DNPEP: variants seen among roughly 807,000 people sequenced by gnomAD.
DNPEP encodes the protein aspartyl aminopeptidase.
Under a neutral mutation model 59.1 loss-of-function variants are expected in DNPEP, and 46 were observed. The observed-to-expected ratio is 0.78, with a 90% CI of 0.61 to 0.99. The LOEUF is 0.99. Among genes scored for constraint, DNPEP ranks in the 50% least tolerant of loss-of-function variants. The pLI is 0.00. For synonymous variants in DNPEP, 229 were observed against 242.2 expected, an observed-to-expected ratio of 0.95 and a Z score of 0.50; for missense variants, 617 against 649.9, an observed-to-expected ratio of 0.95 and a Z score of 0.55.
At chr2:219,394,219 T>G (rs917014923) in intron 1 of DNPEP, among the ~76,000 whole-genome samples, 5 of 152,160 alleles carry the variant, frequency 3.3e-5, no homozygotes, top group Non-Finnish European at 5.9e-5. Flanking sequence ...CCGCAACTTT[T>G]CTTGTCAAGG....
intron 9 of DNPEP, 81 bp from the exon 10 acceptor site, chr2:219,383,295 C>A (rs561406506): frequency 1.7e-6 from 2 of 1,203,044 alleles, no homozygotes; most frequent in Admixed American, 1.8e-5. Flanking sequence ...TGGGTGTGCA[C>A]GCTCCCCCAT....
chr2:219,396,732 A>C (rs1259272361), intron 1 of DNPEP, among the ~76,000 whole-genome samples: 4 of 152,324 alleles, frequency 2.6e-5, no homozygotes, highest in Middle Eastern at 3.4e-3. Context: ...CCTAGAAAAA[A>C]ATAGCATCAA....
chr2:219,387,992 G>A, upstream of DNPEP: 1 of 1,127,012 alleles, frequency 8.9e-7, no homozygotes, highest in Non-Finnish European at 1.1e-6. Flanking sequence ...CGCCCACCTC[G>A]GTCAGCCCCG....
chr2:219,399,463 T>C (rs1052321063), intron 1 of DNPEP: 4 of 461,864 alleles, frequency 8.7e-6, no homozygotes, highest in Middle Eastern at 3.2e-4. Context: ...TTTGGAAGAT[T>C]TGGGCTGAGG....
Position 219,386,922 on chromosome 2 carries a change from A to C in DNPEP, c.189T>G (p.Thr63=). Residue 63 remains threonine, a synonymous_variant, in exon 3 of 15, where the codon ACT becomes ACG. Transcript: ENST00000273075. ...TCTCGGGCTTAATATTCCATTTCTCAGTCTCCTTGAGTTCACTGAAGCCAG... is the reference window on the plus strand; with the variant it reads ...TCTCGGGCTTAATATTCCATTTCTCCGTCTCCTTGAGTTCACTGAAGCCAG... ...LQAGFSELKE[T]EKWNIKPESK... 1.2e-6 allele frequency: 2 copies of C among 1,610,764 alleles called. No homozygotes were observed. Among genetic ancestry groups the C allele is most frequent in the Non-Finnish European group, 1.7e-6 (2 of 1,179,210 alleles).
chr2:219,391,048 C>T (rs531759635), upstream of DNPEP, among the ~76,000 whole-genome samples: 1 of 152,242 alleles, frequency 6.6e-6, no homozygotes, highest in South Asian at 2.1e-4. Flanking sequence ...TCTACTTTAC[C>T]TACTATTACC....
At chr2:219,377,629 T>C (rs1339991289) in intron 13 of DNPEP, among the ~76,000 whole-genome samples, 2 of 152,044 alleles carry the variant, frequency 1.3e-5, no homozygotes, top group African/African-American at 4.8e-5. Flanking sequence ...GAAACAACAA[T>C]TTCCTGAAAT....
Position 219,374,924 on chromosome 2 carries a change from T to C in DNPEP, c.1338A>G (p.Gln446=), listed in dbSNP as rs201087297. The C allele has an allele frequency of 4.9e-5, 79 of 1,614,066 alleles. No homozygotes were observed. Among genetic ancestry groups the C allele is most frequent in the African/African-American group, 2.9e-4 (22 of 74,930 alleles). Residue 446 remains glutamine, a synonymous_variant, in exon 14 of 15, where the codon CAA becomes CAG. Transcript: ENST00000273075. The part of the protein sequence containing the change: ...GLRVLDLGSP[Q]LAMHSIREMA... ...TCTCCCGGATAGAGTGCATGGCCAGTTGGGGGCTGCCTAAATCCAGCACCC... is the reference window on the plus strand; with the variant it reads ...TCTCCCGGATAGAGTGCATGGCCAGCTGGGGGCTGCCTAAATCCAGCACCC...
In DNPEP at chr2:219,387,006, C is replaced by T. The variant is rs756168937; in HGVS notation, c.131-26G>A. The T allele has an allele frequency of 4.3e-6, 7 of 1,613,768 alleles. No homozygotes were observed. In the South Asian group the frequency reaches 6.6e-5, roughly 15 times the overall value. On this transcript the variant is annotated intron_variant, in intron 2 of 14. Coordinates refer to ENST00000273075, the MANE Select transcript of DNPEP (RefSeq NM_012100.4). ...CTGTGGGAAAAGCACCCTCTCACAG[C>T]GATGGAAGCTGGTGAAGGGCGCATC... is the stretch of plus-strand genomic sequence containing the variant.
At chr2:219,399,401 C>T (rs888433982) in intron 1 of DNPEP, 13 of 456,774 alleles carry the variant, frequency 2.8e-5, no homozygotes, top group East Asian at 6.9e-5. Context: ...GCGAATCCCC[C>T]GGAGTGCTAT....
chr2:219,381,268 G>T, intron 13 of DNPEP, 67 bp downstream of exon 13: 1 of 1,392,610 alleles, frequency 7.2e-7, no homozygotes. Flanking sequence ...GTTCATGGGG[G>T]GCCCATCTGT....
chr2:219,374,178 A>C lies in DNPEP; in HGVS notation c.*114T>G. ...CTCCCACTCCTCTAGTCTCCAAATAAGCGTAGCACGGAGAGTCTGAGTGAC... is the reference window on the plus strand; with the variant it reads ...CTCCCACTCCTCTAGTCTCCAAATACGCGTAGCACGGAGAGTCTGAGTGAC... On this transcript the variant is annotated 3_prime_UTR_variant, in exon 15 of 15. Coordinates refer to ENST00000273075, the MANE Select transcript of DNPEP (RefSeq NM_012100.4). The C allele has an allele frequency of 9.4e-7, 1 of 1,060,402 alleles. No homozygotes were observed. The highest frequency in any genetic ancestry group is 1.4e-6 in the Non-Finnish European group (1 of 700,908). The allele number at this position is 1,060,402 out of a possible 1,614,324, so 65.7% of individuals were successfully genotyped here. A position where few individuals can be genotyped will look rare whatever the true frequency, so the allele number is the denominator to read the frequency against.
chr2:219,387,788 C>T lies in DNPEP; in HGVS notation c.7G>A (p.Gly3Arg), dbSNP rs761801136. The change falls in exon 1 of 15, where the codon GGA becomes AGA. Residue 3 changes from glycine (G) to arginine (R), a missense_variant. Transcript: ENST00000273075. Reference protein sequence around the residue: MSGHSPTRGAMQV... With the variant: MSRHSPTRGAMQV... ...ATGGCCCCGCGCGTGGGGCTGTGTC[C>T]GCTCATCTGGCCTCCGGGCTCGGCC... 1.3e-6 allele frequency: 2 copies of T among 1,598,754 alleles called. No homozygotes were observed. The highest frequency in any genetic ancestry group is 1.7e-6 in the Non-Finnish European group (2 of 1,173,660).
At chr2:219,387,689 C>G in intron 1 of DNPEP, 70 bp downstream of exon 1, 1 of 1,600,118 alleles carries the variant, frequency 6.2e-7, no homozygotes, top group Non-Finnish European at 8.5e-7. Flanking sequence ...CCGCGCTAAG[C>G]TTGGGCCCCG....
At chr2:219,396,518 G>A (rs1426316278) in intron 1 of DNPEP, among the ~76,000 whole-genome samples, 3 of 151,984 alleles carry the variant, frequency 2.0e-5, no homozygotes, top group Non-Finnish European at 2.9e-5. Flanking sequence ...AACTTGGGAG[G>A]TGGAGGTTGA....
At chr2:219,382,957 A>C (rs995370291) in intron 10 of DNPEP, among the ~76,000 whole-genome samples, 174 bp downstream of exon 10, 6 of 152,166 alleles carry the variant, frequency 3.9e-5, no homozygotes, top group African/African-American at 1.4e-4. Context: ...GTCACCCTCG[A>C]ATAAGCAGAT....
chr2:219,392,790 G>A (rs143793833), upstream of DNPEP, among the ~76,000 whole-genome samples: 923 of 152,298 alleles, frequency 6.1e-3, 3 homozygotes, highest in Non-Finnish European at 9.8e-3. Context: ...GATTACACGT[G>A]TGAACCACCG....
chr2:219,399,401 C>A (rs888433982), intron 1 of DNPEP: 1 of 456,774 alleles, frequency 2.2e-6, no homozygotes, highest in African/African-American at 2.0e-5. Context: ...GCGAATCCCC[C>A]GGAGTGCTAT....
upstream of DNPEP, among the ~76,000 whole-genome samples, chr2:219,391,615 C>T (rs1390628093): frequency 6.6e-6 from 1 of 151,806 alleles, no homozygotes; most frequent in Non-Finnish European, 1.5e-5. Context: ...TCACCAAATT[C>T]CTGGAAATTT....
Sources: allele counts gnomAD v4.1 joint callset (sites outside exome capture counted in the v4.1 genomes callset), GRCh38; gene constraint gnomAD v4.1.1; transcripts MANE v1.5; gene names NCBI Gene and HGNC (gene_info 2026-07-23, HGNC 2026-07-21).